Variants in DYNAP observed in about 807,000 individuals in gnomAD.
DYNAP encodes dynactin associated protein.
In DYNAP, 7 loss-of-function variants were observed where a neutral mutation model predicts 8.5. That is an observed-to-expected ratio of 0.82 (90% CI 0.47 to 1.54). The LOEUF (loss-of-function observed/expected upper bound fraction) is 1.54. DYNAP is among the 40% of genes most tolerant of loss of function. The pLI, the probability that DYNAP is intolerant of heterozygous loss-of-function variation, is 0.01. For synonymous variants in DYNAP, 77 were observed against 77.9 expected, an observed-to-expected ratio of 0.99 and a Z score of 0.06; for missense variants, 256 against 224.3, an observed-to-expected ratio of 1.14 and a Z score of -0.90.
intron 1 of DYNAP, among the ~76,000 whole-genome samples, chr18:54,593,773 T>A (rs1678453250): frequency 6.6e-6 from 1 of 151,774 alleles, no homozygotes; most frequent in South Asian, 2.1e-4. Flanking sequence ...AAAAATAACA[T>A]CAAAAATAAT....
chr18:54,593,913 T>C (rs1269597236), intron 1 of DYNAP, among the ~76,000 whole-genome samples: 4 of 152,070 alleles, frequency 2.6e-5, no homozygotes, highest in African/African-American at 9.7e-5. Context: ...CAGCCTGGGT[T>C]ACAGAGAGAG....
upstream of DYNAP, chr18:54,587,768 G>C (rs1910929813): frequency 2.5e-6 from 1 of 399,842 alleles, no homozygotes; most frequent in African/African-American, 2.1e-5. Flanking sequence ...GGAGGATCAG[G>C]GTGTAAGTCA....
chr18:54,592,393 T>G (rs1911115904), intron 1 of DYNAP, among the ~76,000 whole-genome samples: 1 of 152,178 alleles, frequency 6.6e-6, no homozygotes, highest in Non-Finnish European at 1.5e-5. Flanking sequence ...AGCATATATC[T>G]GGATAGCTGA....
At chr18:54,588,848 T>C (rs1163880107), upstream of DYNAP, among the ~76,000 whole-genome samples, 1 of 152,222 alleles carries the variant, frequency 6.6e-6, no homozygotes, top group Non-Finnish European at 1.5e-5. Flanking sequence ...TTGGTTCAAA[T>C]TTCTTTGGTA....
chr18:54,591,027 G>A, upstream of DYNAP: 1 of 489,436 alleles, frequency 2.0e-6, no homozygotes, highest in South Asian at 4.5e-5. Context: ...AAGGTTTTCA[G>A]AGGGAGTAGT....
upstream of DYNAP, among the ~76,000 whole-genome samples, chr18:54,582,846 T>C (rs946782000): frequency 6.6e-6 from 1 of 152,216 alleles, no homozygotes; most frequent in Non-Finnish European, 1.5e-5. Context: ...GCTTTCATTA[T>C]TCATGTTTTC....
At chr18:54,596,097 G>A (rs1294541873) in intron 2 of DYNAP, among the ~76,000 whole-genome samples, 1 of 151,220 alleles carries the variant, frequency 6.6e-6, no homozygotes, top group African/African-American at 2.4e-5. Flanking sequence ...TTTGAGGCAG[G>A]TTCTCATTCT....
chr18:54,591,563 G>C (rs917122220), intron 1 of DYNAP, among the ~76,000 whole-genome samples: 2 of 151,996 alleles, frequency 1.3e-5, no homozygotes, highest in Non-Finnish European at 2.9e-5. Flanking sequence ...TAGCTATAAA[G>C]TATTAGAAAT....
At chr18:54,585,073 A>G (rs564735434), upstream of DYNAP, among the ~76,000 whole-genome samples, 61 of 152,226 alleles carry the variant, frequency 4.0e-4, no homozygotes, top group African/African-American at 1.3e-3. Context: ...AGGGGCAAAC[A>G]TGAAACTGGG....
the DYNAP span, among the ~76,000 whole-genome samples, chr18:54,581,784 T>C: frequency 6.6e-6 from 1 of 152,180 alleles, no homozygotes; most frequent in Non-Finnish European, 1.5e-5. Context: ...GAAAAACTTA[T>C]TTTCAAGCAA....
At chr18:54,581,257 T>C in the DYNAP span, among the ~76,000 whole-genome samples, 5 of 152,246 alleles carry the variant, frequency 3.3e-5, no homozygotes, top group African/African-American at 1.2e-4. Context: ...TGTAACCTTA[T>C]AGTCACTTAG....
intron 1 of DYNAP, among the ~76,000 whole-genome samples, chr18:54,592,626 C>A (rs1911127236): frequency 6.6e-6 from 1 of 152,066 alleles, no homozygotes; most frequent in Admixed American, 6.6e-5. Context: ...TTAAGTACAA[C>A]CAATGCATTT....
At chr18:54,592,323 T>C (rs1227115812) in intron 1 of DYNAP, among the ~76,000 whole-genome samples, 2 of 152,158 alleles carry the variant, frequency 1.3e-5, no homozygotes, top group Non-Finnish European at 2.9e-5. Flanking sequence ...TGATAGTTTT[T>C]CTAGATAATA....
At chr18:54,588,364 C>G (rs1455361040), upstream of DYNAP, among the ~76,000 whole-genome samples, 1 of 151,984 alleles carries the variant, frequency 6.6e-6, no homozygotes, top group African/African-American at 2.4e-5. Flanking sequence ...CGTCATCATG[C>G]CCGGCTAATT....
the DYNAP span, among the ~76,000 whole-genome samples, chr18:54,577,843 T>C: frequency 1.3e-5 from 2 of 151,732 alleles, no homozygotes; most frequent in African/African-American, 2.4e-5. Context: ...GGCAGGTGCC[T>C]GTAGTCCCAG....
At chr18:54,584,706 A>AG (rs1910818394), upstream of DYNAP, among the ~76,000 whole-genome samples, 1 of 152,234 alleles carries the variant, frequency 6.6e-6, no homozygotes, top group Admixed American at 6.5e-5. Context: ...AACTGTGCTC[A>AG]GGCCCAGGGA....
chr18:54,580,514 G>A, the DYNAP span, among the ~76,000 whole-genome samples: 1 of 152,170 alleles, frequency 6.6e-6, no homozygotes, highest in Non-Finnish European at 1.5e-5. Context: ...CAGCACATCA[G>A]CTGAGACAGC....
At chr18:54,581,254 TTA>T in the DYNAP span, among the ~76,000 whole-genome samples, 4 of 152,242 alleles carry the variant, frequency 2.6e-5, no homozygotes, top group African/African-American at 9.6e-5. Context: ...TTATGTAACC[TTA>T]TAGTCACTTA....
At chr18:54,588,663 TAATCC>T, upstream of DYNAP, among the ~76,000 whole-genome samples, 1 of 152,358 alleles carries the variant, frequency 6.6e-6, no homozygotes, top group East Asian at 1.9e-4. Flanking sequence ...CTAATTTTTC[TAATCC>T]AATTTTATTG....
Sources: allele counts gnomAD v4.1 joint callset (sites outside exome capture counted in the v4.1 genomes callset), GRCh38; gene constraint gnomAD v4.1.1; transcripts MANE v1.5; gene names NCBI Gene and HGNC (gene_info 2026-07-23, HGNC 2026-07-21).